The following SLC44A3 variants were observed in gnomAD, a reference collection of about 807,000 sequenced individuals.
SLC44A3 encodes choline transporter-like protein 3.
Under a neutral mutation model 75.4 loss-of-function variants are expected in SLC44A3, and 74 were observed. That is an observed-to-expected ratio of 0.98 (90% confidence interval 0.81 to 1.19). The LOEUF is 1.19. Ranked by LOEUF, SLC44A3 falls within the 50% of genes most tolerant of loss-of-function variation. SLC44A3 has a pLI of 0.00. For synonymous variants in SLC44A3, 310 were observed against 296.9 expected (o/e 1.04, Z -0.45); for missense variants, 700 against 778.6 (o/e 0.90, Z 1.20).
chr1:94,829,259 G>A (rs1257066499), intron 5 of SLC44A3, among the ~76,000 whole-genome samples: 1 of 150,768 alleles, frequency 6.6e-6, no homozygotes, highest in Non-Finnish European at 1.5e-5. Flanking sequence ...CTCCAGCCTG[G>A]TGACAGAGCG....
At chr1:94,841,101 C>T (rs1663570160) in intron 7 of SLC44A3, among the ~76,000 whole-genome samples, 1 of 152,182 alleles carries the variant, frequency 6.6e-6, no homozygotes. Context: ...CATGGTATAA[C>T]CTATTACTCC....
At chr1:94,877,836 C>A (rs1668459919) in intron 12 of SLC44A3, among the ~76,000 whole-genome samples, 1 of 152,128 alleles carries the variant, frequency 6.6e-6, no homozygotes, top group Admixed American at 6.5e-5. Flanking sequence ...AGGAACAAGA[C>A]AGCTGAGGTT....
In SLC44A3 at chr1:94,856,338, A is replaced by T. The variant is rs145803143; in HGVS notation, c.1073-997A>T. The stretch of plus-strand genomic sequence containing the variant: ...CTCCTCCAGGTATTCCAGATAAGGA[A>T]TCTAAAACTCCAGGAAGCCAAATAA... On this transcript the variant is annotated intron_variant, in intron 9 of 14. Transcript: ENST00000271227. Among the ~76,000 whole-genome samples, 265 of 152,316 alleles carry T rather than the reference A, an allele frequency of 1.7e-3. 1 individual carries two copies. Among genetic ancestry groups the T allele is most frequent in the African/African-American group, 5.9e-3 (247 of 41,566 alleles).
intron 12 of SLC44A3, among the ~76,000 whole-genome samples, chr1:94,883,760 T>C (rs1263970996): frequency 6.6e-6 from 1 of 152,226 alleles, no homozygotes; most frequent in Non-Finnish European, 1.5e-5. Context: ...TGTGTGAAGG[T>C]GCAATTTGTC....
intron 12 of SLC44A3, among the ~76,000 whole-genome samples, chr1:94,873,072 TAAATA>T (rs774358451): frequency 6.6e-6 from 1 of 152,140 alleles, no homozygotes; most frequent in Non-Finnish European, 1.5e-5. Context: ...CATATAGTGA[TAAATA>T]AAATAACTGG....
At chr1:94,820,733 T>A in intron 1 of SLC44A3, 1 of 1,394,414 alleles carries the variant, frequency 7.2e-7, no homozygotes, top group South Asian at 1.8e-5. Flanking sequence ...GGTAAGCACT[T>A]GGCGGCAGGG....
rs569930142 is a variant in SLC44A3 at position 94,841,651 on chromosome 1, A to G, written c.761-349A>G. Among the ~76,000 whole-genome samples the G allele has an allele frequency of 7.9e-5, 12 of 152,334 alleles. No individual in the cohort carries two copies. In the East Asian group the frequency reaches 1.9e-3, roughly 24 times the overall value. The stretch of plus-strand genomic sequence containing the variant: ...CAGAGCTTGCTTAAAACATTTAGAC[A>G]GTGAGCTCTGGCATTGTCCCTCTCA... On this transcript the variant is annotated intron_variant, in intron 7 of 14. Transcript: ENST00000271227.
intron 3 of SLC44A3, among the ~76,000 whole-genome samples, chr1:94,825,066 G>A (rs928020899): frequency 6.6e-6 from 1 of 152,082 alleles, no homozygotes; most frequent in Non-Finnish European, 1.5e-5. Context: ...TTGTTTCTAC[G>A]TGGAAATACC....
chr1:94,893,912 T>C (rs1042222764), intron 14 of SLC44A3, among the ~76,000 whole-genome samples: 3 of 151,944 alleles, frequency 2.0e-5, no homozygotes, highest in Non-Finnish European at 2.9e-5. Context: ...CTGGCCAACA[T>C]GGTGAAACCC....
At chr1:94,824,726 T>C in intron 3 of SLC44A3, 91 bp downstream of exon 3, 1 of 1,428,524 alleles carries the variant, frequency 7.0e-7, no homozygotes, top group South Asian at 1.5e-5. Context: ...ACTTTTCCCA[T>C]TCAAAACTCT....
chr1:94,845,128 G>T, intron 8 of SLC44A3, 150 bp from the exon 9 acceptor site: 4 of 765,416 alleles, frequency 5.2e-6, no homozygotes, highest in Non-Finnish European at 8.1e-6. Flanking sequence ...TAGTGTTTGC[G>T]AATGCATCTG....
chr1:94,840,926 G>T lies in SLC44A3; in HGVS notation c.760+889G>T, dbSNP rs578096012. On this transcript the variant is annotated intron_variant, in intron 7 of 14. Transcript: ENST00000271227. ...GACAAGGGCACGCAGGAGGCTCAAG[G>T]CAGCAGCCATTTACCAACTGGTGTG... 1.8e-4 allele frequency among the ~76,000 whole-genome samples: 27 copies of T among 152,318 alleles called. No homozygotes were observed. In the South Asian group the frequency reaches 5.4e-3, roughly 30 times the overall value.
rs753192543 is a variant in SLC44A3, at chr1:94,827,656, G to T, written c.415+13G>T. 3 of 1,613,810 alleles carry T rather than the reference G, an allele frequency of 1.9e-6. No individual in the cohort carries two copies. The highest frequency in any genetic ancestry group is 2.5e-6 in the Non-Finnish European group (3 of 1,179,764). On this transcript the variant is annotated intron_variant, in intron 4 of 14. Transcript: ENST00000271227. ...GCAAACACCAGTGGTAGGCACTAAGGCCTGGTTTGTTCTTTTCCCCATGAT... is the reference window on the plus strand; with the variant it reads ...GCAAACACCAGTGGTAGGCACTAAGTCCTGGTTTGTTCTTTTCCCCATGAT...
intron 12 of SLC44A3, chr1:94,888,776 T>G: frequency 1.1e-6 from 1 of 928,206 alleles, no homozygotes; most frequent in Non-Finnish European, 1.3e-6. Flanking sequence ...GTCACCCAGG[T>G]TGGAGTGCAG....
intron 11 of SLC44A3, among the ~76,000 whole-genome samples, chr1:94,865,218 G>A (rs1208430597): frequency 1.3e-5 from 2 of 152,120 alleles, no homozygotes; most frequent in Non-Finnish European, 2.9e-5. Flanking sequence ...CTCTTAAGGT[G>A]AAATTTAAAC....
Position 94,850,473 on chromosome 1 carries a change from C to T in SLC44A3, c.1072+5009C>T, listed in dbSNP as rs187192970. On this transcript the variant is annotated intron_variant, in intron 9 of 14. Coordinates refer to ENST00000271227, the MANE Select transcript of SLC44A3 (RefSeq NM_001114106.3). ...ATTTTGGCAGGGAGTGGACTTCCCG[C>T]GAGGTCTGTGCTGCAGTTAGAAGAT... is the stretch of plus-strand genomic sequence containing the variant. Among the ~76,000 whole-genome samples, 348 of 152,206 alleles carry T rather than the reference C, an allele frequency of 2.3e-3. 2 individuals are homozygous for T. The highest frequency in any genetic ancestry group is 6.8e-3 in the Middle Eastern group (2 of 294).
At chr1:94,887,682 TC>T in intron 12 of SLC44A3, among the ~76,000 whole-genome samples, 1 of 152,114 alleles carries the variant, frequency 6.6e-6, no homozygotes, top group African/African-American at 2.4e-5. Context: ...AAACAGTGCT[TC>T]CCCATGGGAA....
chr1:94,870,072 C>T lies in SLC44A3; in HGVS notation c.1482+2655C>T, dbSNP rs549128543. 4.6e-5 allele frequency among the ~76,000 whole-genome samples: 7 copies of T among 152,362 alleles called. No homozygotes were observed. In the East Asian group the frequency reaches 1.3e-3, roughly 29 times the overall value. Reference sequence around the variant, plus strand: ...TGGCAGTTGCTGCATTTTGTGAACACCCAGCCTAAGGCTGCACAGGCATTC... The same window carrying T: ...TGGCAGTTGCTGCATTTTGTGAACATCCAGCCTAAGGCTGCACAGGCATTC... On this transcript the variant is annotated intron_variant, in intron 12 of 14. Transcript: ENST00000271227.
intron 12 of SLC44A3, among the ~76,000 whole-genome samples, chr1:94,882,657 T>G (rs755710212): frequency 7.2e-5 from 11 of 152,110 alleles, no homozygotes; most frequent in Non-Finnish European, 1.5e-4. Flanking sequence ...ATTGTTCTGG[T>G]GGGCTTTCCC....
Sources: gnomAD v4.1 joint callset for allele counts (sites outside exome capture counted in the v4.1 genomes callset) on GRCh38, gnomAD v4.1.1 for gene constraint, MANE v1.5 for transcripts, NCBI Gene and HGNC (gene_info 2026-07-23, HGNC 2026-07-21) for gene names.